Variants in DOP1A observed in about 807,000 individuals in gnomAD.
DOP1A encodes protein DOP1A.
In DOP1A, 90 loss-of-function variants were observed where a neutral mutation model predicts 267.6. The ratio of observed to expected loss-of-function variants is 0.34; its 90% CI spans 0.28 to 0.40. DOP1A has a LOEUF of 0.40. DOP1A is among the 10% of genes least tolerant of loss of function. The pLI, the probability that DOP1A is intolerant of heterozygous loss-of-function variation, is 1.00. For synonymous variants in DOP1A, 932 were observed against 999.1 expected, an observed-to-expected ratio of 0.93 and a Z score of 1.27; for missense variants, 2,437 against 2,900.4, an observed-to-expected ratio of 0.84 and a Z score of 3.67.
At chr6:83,170,478 C>G, downstream of DOP1A, 1 of 1,613,154 alleles carries the variant, frequency 6.2e-7, no homozygotes, top group Non-Finnish European at 8.5e-7. Context: ...CTGTCTGCAA[C>G]CTAAGTGCAA....
In DOP1A at chr6:83,140,427, G is replaced by A. The variant is rs138498536; in HGVS notation, c.5415+24G>A. 179 of 1,559,814 alleles carry A rather than the reference G, an allele frequency of 1.1e-4. 2 individuals are homozygous for A. In the East Asian group the frequency reaches 3.8e-3, roughly 33 times the overall value. ...AGGTTAGACAATTCATATTTAATCT[G>A]TAGAGCTCAAGAGTCTGAGGACCTT... On this transcript the variant is annotated intron_variant, in intron 23 of 38. Coordinates refer to ENST00000349129, the MANE Select transcript of DOP1A (RefSeq NM_015018.4).
At position 83,129,386 on chromosome 6, in the gene DOP1A, C is replaced by T. The variant is rs528196792; in HGVS notation, c.2219C>T (p.Ser740Phe). 15 of 1,611,518 alleles carry T rather than the reference C, an allele frequency of 9.3e-6. 1 individual carries two copies. In the African/African-American group the frequency reaches 9.4e-5, roughly 10 times the overall value. Residue 740 changes from serine to phenylalanine, a missense_variant, in exon 16 of 39, where the codon TCT becomes TTT. Physicochemically the swap from Ser to Phe is radical, Grantham distance 155 (BLOSUM62 -2). Transcript: ENST00000349129. ...KEKNISKQKT[S>F]KEYLSAFLAA... Reference sequence around the variant, plus strand: ...AAAAACATAAGTAAACAAAAAACTTCTAAAGAATACCTGTCTGCCTTCCTT... The same window carrying T: ...AAAAACATAAGTAAACAAAAAACTTTTAAAGAATACCTGTCTGCCTTCCTT...
At chr6:83,072,023 A>G (rs1193277478) in intron 1 of DOP1A, among the ~76,000 whole-genome samples, 3 of 152,122 alleles carry the variant, frequency 2.0e-5, no homozygotes, top group Non-Finnish European at 4.4e-5. Flanking sequence ...TTCTCTCATC[A>G]CTTAAGTTTT....
chr6:83,100,618 AT>A, intron 3 of DOP1A, 86 bp from the exon 4 acceptor site: 2 of 982,792 alleles, frequency 2.0e-6, no homozygotes, highest in East Asian at 2.8e-5. Flanking sequence ...TACAATGATC[AT>A]TTTTTATAAT....
chr6:83,170,998 G>C (rs1786975253), downstream of DOP1A: 1 of 152,776 alleles, frequency 6.5e-6, no homozygotes, highest in South Asian at 2.1e-4. Flanking sequence ...ACATAATGCA[G>C]AGTAAGTACT....
At chr6:83,125,787 AAC>A (rs1562328376) in intron 15 of DOP1A, 54 bp downstream of exon 15, 14 of 1,430,650 alleles carry the variant, frequency 9.8e-6, no homozygotes, top group Non-Finnish European at 1.3e-5. Context: ...TTCAAAGCAG[AAC>A]AGTTACTTAG....
chr6:83,117,037 A>G (rs558474199), intron 7 of DOP1A, among the ~76,000 whole-genome samples: 1 of 152,186 alleles, frequency 6.6e-6, no homozygotes, highest in Admixed American at 6.5e-5. Context: ...GCTGGTAGTT[A>G]AGCTCACAAC....
chr6:83,075,004 C>A (rs1766827506), intron 1 of DOP1A, among the ~76,000 whole-genome samples: 1 of 152,146 alleles, frequency 6.6e-6, no homozygotes, highest in Non-Finnish European at 1.5e-5. Flanking sequence ...CATCCAGTTA[C>A]CACCTGTCTC....
chr6:83,128,562 A>G (rs1446742865), intron 15 of DOP1A, among the ~76,000 whole-genome samples: 1 of 152,208 alleles, frequency 6.6e-6, no homozygotes, highest in Admixed American at 6.5e-5. Context: ...TTAACCTTAC[A>G]TATCTCATTC....
chr6:83,106,812 A>AAG (rs1773688826), intron 4 of DOP1A, among the ~76,000 whole-genome samples: 1 of 151,894 alleles, frequency 6.6e-6, no homozygotes, highest in South Asian at 2.1e-4. Context: ...CATCTAAAAA[A>AAG]AAAAAAGAGA....
intron 1 of DOP1A, 98 bp from the exon 2 acceptor site, chr6:83,096,633 T>C (rs1771566551): frequency 2.5e-6 from 1 of 406,080 alleles, no homozygotes; most frequent in Non-Finnish European, 4.3e-6. Flanking sequence ...TAAACAAATA[T>C]GACAGAGAAA....
At chr6:83,164,539 TAAG>T (rs1784984922) in intron 38 of DOP1A, 6 of 956,190 alleles carry the variant, frequency 6.3e-6, no homozygotes, top group Non-Finnish European at 9.8e-6. Context: ...TCCCACAGAA[TAAG>T]AAAACTATTT....
chr6:83,119,699 A>T (rs767289678), intron 8 of DOP1A, 49 bp from the exon 9 acceptor site: 2 of 1,522,952 alleles, frequency 1.3e-6, no homozygotes, highest in East Asian at 4.5e-5. Flanking sequence ...AGTGAACAAC[A>T]GTTTTGAGAA....
chr6:83,119,113 A>G (rs1775926049), intron 8 of DOP1A, 126 bp downstream of exon 8: 1 of 727,442 alleles, frequency 1.4e-6, no homozygotes, highest in Non-Finnish European at 2.3e-6. Flanking sequence ...TAAATGGACA[A>G]TAAAAATATA....
intron 20 of DOP1A, 124 bp downstream of exon 20, chr6:83,136,002 C>T (rs1778811931): frequency 1.7e-6 from 2 of 1,145,584 alleles, no homozygotes; most frequent in Admixed American, 2.4e-5. Flanking sequence ...ATTTTCTCCC[C>T]TCCTCATGCA....
At chr6:83,107,676 T>C (rs987492167) in intron 4 of DOP1A, among the ~76,000 whole-genome samples, 3 of 152,182 alleles carry the variant, frequency 2.0e-5, no homozygotes, top group African/African-American at 7.2e-5. Flanking sequence ...CCTAACCTAG[T>C]CTAATTAGGA....
intron 1 of DOP1A, among the ~76,000 whole-genome samples, chr6:83,094,050 G>C (rs9294271): frequency 0.98 from 148,733 of 152,344 alleles, 72,706 homozygotes; most frequent in Middle Eastern, 1. Context: ...TGAGTTCATT[G>C]TCCATTTCCC....
In DOP1A at chr6:83,143,735, G is replaced by T. The variant is rs556980839; in HGVS notation, c.5541+1689G>T. ...TAAAGATACGGAAAATACGAGAAAA[G>T]AGATAAGAATATTAGAGGAGTGATA... On this transcript the variant is annotated intron_variant, in intron 24 of 38. Coordinates refer to ENST00000349129, the MANE Select transcript of DOP1A (RefSeq NM_015018.4). 7.2e-5 allele frequency among the ~76,000 whole-genome samples: 11 copies of T among 152,242 alleles called. No homozygotes were observed. In the South Asian group the frequency reaches 2.3e-3, roughly 32 times the overall value.
intron 38 of DOP1A, chr6:83,165,838 G>A (rs563329042): frequency 2.1e-5 from 7 of 332,002 alleles, no homozygotes; most frequent in South Asian, 1.9e-4. Context: ...CCGGCTGCAG[G>A]CATTGCAGTT....
Sources: allele counts gnomAD v4.1 joint callset (sites outside exome capture counted in the v4.1 genomes callset), GRCh38; gene constraint gnomAD v4.1.1; transcripts MANE v1.5; gene names NCBI Gene and HGNC (gene_info 2026-07-23, HGNC 2026-07-21).